The following NEK7 variants were observed in gnomAD, a reference collection of about 807,000 sequenced individuals.
The protein encoded by NEK7 is NIMA related kinase 7, also known as serine/threonine-protein kinase Nek7.
In NEK7, 18 loss-of-function variants were observed where a neutral mutation model predicts 44.6. The observed-to-expected ratio is 0.40, with a 90% CI of 0.28 to 0.60. The LOEUF (loss-of-function observed/expected upper bound fraction) is 0.60, where lower values mean the gene tolerates loss of function less well. Among genes scored for constraint, NEK7 ranks in the 20% least tolerant of loss-of-function variants. The pLI, the probability that NEK7 is intolerant of heterozygous loss-of-function variation, is 0.38. For synonymous variants in NEK7, 130 were observed against 121.1 expected (o/e 1.07, Z -0.48); for missense variants, 256 against 366.5 (o/e 0.70, Z 2.46).
chr1:198,250,689 A>G (rs71633823), intron 2 of NEK7, among the ~76,000 whole-genome samples: 9,310 of 139,282 alleles, frequency 0.067, 406 homozygotes, highest in South Asian at 0.19. Flanking sequence ...TTTGTCTGTT[A>G]TTGGTGTATA....
chr1:198,285,296 A>T (rs1213041477), intron 7 of NEK7, among the ~76,000 whole-genome samples: 1 of 152,170 alleles, frequency 6.6e-6, no homozygotes, highest in African/African-American at 2.4e-5. Context: ...TAAATGAATG[A>T]AGCTTAGAGA....
chr1:198,306,689 A>G (rs1346165548), intron 9 of NEK7, among the ~76,000 whole-genome samples: 3 of 152,134 alleles, frequency 2.0e-5, no homozygotes, highest in Admixed American at 2.0e-4. Flanking sequence ...CTATTCATGG[A>G]TCCATATGAA....
chr1:198,306,407 G>A (rs1487151831), intron 9 of NEK7, among the ~76,000 whole-genome samples: 1 of 152,100 alleles, frequency 6.6e-6, no homozygotes, highest in Non-Finnish European at 1.5e-5. Context: ...TTCAAAAAGT[G>A]ACCCCTTAGT....
At chr1:198,317,879 T>TTTTG (rs1462277243) in intron 9 of NEK7, among the ~76,000 whole-genome samples, 1,387 of 76,312 alleles carry the variant, frequency 0.018, 95 homozygotes, top group African/African-American at 0.073. Context: ...ATATATTTAT[T>TTTTG]TTTTTTTTTT....
chr1:198,248,689 T>C (rs1666902882), intron 2 of NEK7, among the ~76,000 whole-genome samples: 1 of 152,206 alleles, frequency 6.6e-6, no homozygotes, highest in Non-Finnish European at 1.5e-5. Context: ...TTTCATGCAT[T>C]AGTTGACAGT....
intron 2 of NEK7, among the ~76,000 whole-genome samples, chr1:198,251,029 G>A (rs1652937710): frequency 6.6e-6 from 1 of 151,880 alleles, no homozygotes; most frequent in East Asian, 1.9e-4. Flanking sequence ...GTCATAGATA[G>A]CTCTTATTAT....
chr1:198,212,392 C>CTG (rs542923990), intron 1 of NEK7, among the ~76,000 whole-genome samples: 110 of 152,324 alleles, frequency 7.2e-4, no homozygotes, highest in Non-Finnish European at 1.4e-3. Flanking sequence ...TAGCAAAACA[C>CTG]TGCGGGTGTG....
At chr1:198,249,343 A>G (rs1027540179) in intron 2 of NEK7, among the ~76,000 whole-genome samples, 20 of 152,114 alleles carry the variant, frequency 1.3e-4, no homozygotes, top group African/African-American at 4.6e-4. Context: ...TAGTGCTGCA[A>G]TAAACATATG....
At chr1:198,311,198 C>T (rs1655171300) in intron 9 of NEK7, among the ~76,000 whole-genome samples, 2 of 144,042 alleles carry the variant, frequency 1.4e-5, no homozygotes, top group Admixed American at 7.0e-5. Flanking sequence ...CTCTTTGAAG[C>T]AATTGTGAAT....
At chr1:198,317,710 T>C (rs7529192) in intron 9 of NEK7, among the ~76,000 whole-genome samples, 74,812 of 151,658 alleles carry the variant, frequency 0.49, 20,627 homozygotes, top group East Asian at 0.89. Context: ...TTTTGTACCA[T>C]GGTTATCTTT....
Position 198,198,510 on chromosome 1 carries a change from C to G in NEK7, c.-28-34043C>G, listed in dbSNP as rs551931067. Among the ~76,000 whole-genome samples the G allele has an allele frequency of 4.6e-5, 7 of 152,306 alleles. 1 individual carries two copies. Among genetic ancestry groups the G allele is most frequent in the African/African-American group, 1.2e-4 (5 of 41,562 alleles). On this transcript the variant is annotated intron_variant, in intron 1 of 9. Coordinates refer to ENST00000367385, the MANE Select transcript of NEK7 (RefSeq NM_133494.3). ...GATCTGGGGTTTCAAGATTTTCAAG[C>G]CTGTCGACCCACATGTCGCTATGTA...
At chr1:198,217,604 C>T (rs189044852) in intron 1 of NEK7, among the ~76,000 whole-genome samples, 33 of 151,804 alleles carry the variant, frequency 2.2e-4, no homozygotes, top group Admixed American at 3.3e-4. Flanking sequence ...AGGCAAGAGA[C>T]GGAAATAAAG....
At chr1:198,283,488 TC>T (rs1654274450) in intron 7 of NEK7, among the ~76,000 whole-genome samples, 1 of 152,068 alleles carries the variant, frequency 6.6e-6, no homozygotes, top group African/African-American at 2.4e-5. Flanking sequence ...GGTCTCCTTA[TC>T]CTCCTCCCAC....
intron 2 of NEK7, among the ~76,000 whole-genome samples, chr1:198,240,379 C>A (rs1666650380): frequency 6.6e-6 from 1 of 151,670 alleles, no homozygotes; most frequent in Non-Finnish European, 1.5e-5. Context: ...TTGGAAATTT[C>A]TATTTGAACA....
At chr1:198,252,567 T>TATATATA (rs1307124157) in intron 2 of NEK7, among the ~76,000 whole-genome samples, 2 of 50,978 alleles carry the variant, frequency 3.9e-5, no homozygotes, top group South Asian at 1.2e-3. Context: ...TATATATATA[T>TATATATA]AAAAAGTACA....
intron 1 of NEK7, among the ~76,000 whole-genome samples, chr1:198,220,114 CTATT>C (rs776208670): frequency 3.3e-5 from 5 of 151,952 alleles, no homozygotes; most frequent in Non-Finnish European, 7.4e-5. Flanking sequence ...CCCCTTTTCA[CTATT>C]TATTAATTTA....
At chr1:198,224,688 A>G (rs1397459105) in intron 1 of NEK7, among the ~76,000 whole-genome samples, 1 of 151,984 alleles carries the variant, frequency 6.6e-6, no homozygotes, top group Non-Finnish European at 1.5e-5. Context: ...TTATTGGTAA[A>G]TAAATTAGTA....
chr1:198,194,524 G>GTCCATGTT (rs1342537522), intron 1 of NEK7, among the ~76,000 whole-genome samples: 8 of 119,876 alleles, frequency 6.7e-5, no homozygotes, highest in African/African-American at 2.6e-4. Context: ...GTGTCCATGT[G>GTCCATGTT]ATCTCATCAT....
At position 198,184,840 on chromosome 1, in the gene NEK7, A is replaced by AATTT. The variant is rs543627297; in HGVS notation, c.-29+27590_-29+27593dup. The stretch of plus-strand genomic sequence containing the variant: ...CACACCACTATGCCTGGCTAATTGA[A>AATTT]ATTTATTTATTTATTTATTTATTTA... On this transcript the variant is annotated intron_variant, in intron 1 of 9. Coordinates refer to ENST00000367385, the MANE Select transcript of NEK7 (RefSeq NM_133494.3). Among the ~76,000 whole-genome samples the AATTT allele has an allele frequency of 3.0e-3, 448 of 151,850 alleles. 4 individuals carry two copies. The highest frequency in any genetic ancestry group is 3.4e-3 in the Middle Eastern group (1 of 294).
Sources: gnomAD v4.1 joint callset for allele counts (sites outside exome capture counted in the v4.1 genomes callset) on GRCh38, gnomAD v4.1.1 for gene constraint, MANE v1.5 for transcripts, NCBI Gene and HGNC (gene_info 2026-07-23, HGNC 2026-07-21) for gene names.